TAF12: variants seen among roughly 807,000 people sequenced by gnomAD.
The protein encoded by TAF12 is TATA-box binding protein associated factor 12.
A neutral mutation model predicts 20.8 loss-of-function variants in TAF12; 3 were observed. The observed-to-expected ratio is 0.14, with a 90% confidence interval of 0.07 to 0.37. The LOEUF (loss-of-function observed/expected upper bound fraction) is 0.37. TAF12 is among the 10% of genes least tolerant of loss of function. The probability of loss-of-function intolerance (pLI) is 1.00; values close to 1 mark genes in which losing one functional copy is unlikely to be tolerated. For missense variants in TAF12, 131 were observed against 197.9 expected (o/e 0.66, Z 2.03); for synonymous variants, 69 against 70.2 (o/e 0.98, Z 0.09).
intron 1 of TAF12, among the ~76,000 whole-genome samples, chr1:28,633,323 T>A (rs560381149): frequency 9.0e-4 from 135 of 150,520 alleles, no homozygotes; most frequent in Middle Eastern, 3.4e-3. Context: ...CGTGCCACCA[T>A]GCTGGGCTAA....
intron 4 of TAF12, among the ~76,000 whole-genome samples, chr1:28,612,653 C>G (rs1205147559): frequency 6.6e-6 from 1 of 151,212 alleles, no homozygotes; most frequent in African/African-American, 2.4e-5. Context: ...GCTGCTTATT[C>G]ATTTCCAAGT....
chr1:28,636,787 C>G (rs778756989), intron 1 of TAF12, among the ~76,000 whole-genome samples: 1 of 151,348 alleles, frequency 6.6e-6, no homozygotes, highest in Non-Finnish European at 1.5e-5. Context: ...GGTGACAAAG[C>G]AAGACCCTGT....
chr1:28,618,169 CT>C (rs1667101713), intron 2 of TAF12, 139 bp from the exon 3 acceptor site: 1 of 709,938 alleles, frequency 1.4e-6, no homozygotes, highest in African/African-American at 1.8e-5. Context: ...GCCTACCTGA[CT>C]ATGCTGCTGT....
At chr1:28,616,520 G>A (rs901622025) in intron 3 of TAF12, among the ~76,000 whole-genome samples, 3 of 151,846 alleles carry the variant, frequency 2.0e-5, no homozygotes, top group Non-Finnish European at 4.4e-5. Context: ...ATCACCTGAG[G>A]TCAGGAGTCC....
intron 3 of TAF12, among the ~76,000 whole-genome samples, chr1:28,614,755 C>T (rs1666975284): frequency 6.6e-6 from 1 of 151,676 alleles, no homozygotes. Context: ...GTTCTTTCCA[C>T]ATCACTATCA....
chr1:28,629,011 C>T (rs968350297), intron 1 of TAF12, among the ~76,000 whole-genome samples: 22 of 152,190 alleles, frequency 1.4e-4, no homozygotes, highest in Non-Finnish European at 2.9e-5. Context: ...GCAGAGGTTG[C>T]AATGAGCCAA....
chr1:28,645,848 TC>T (rs1399237957), upstream of TAF12, among the ~76,000 whole-genome samples: 1 of 149,296 alleles, frequency 6.7e-6, no homozygotes, highest in Non-Finnish European at 1.5e-5. Context: ...GTGCCTGTAG[TC>T]CCAAGCTACT....
chr1:28,639,749 A>G (rs1246894804), intron 1 of TAF12, among the ~76,000 whole-genome samples: 1 of 152,222 alleles, frequency 6.6e-6, no homozygotes, highest in Admixed American at 6.5e-5. Context: ...TGGGGAAAAA[A>G]TAGTAGTTTT....
intron 4 of TAF12, among the ~76,000 whole-genome samples, chr1:28,611,627 A>G (rs1259328427): frequency 6.6e-6 from 1 of 152,168 alleles, no homozygotes; most frequent in African/African-American, 2.4e-5. Context: ...GCCACAGAAC[A>G]CCAAGGATTG....
chr1:28,645,243 G>A (rs1336209281), upstream of TAF12, among the ~76,000 whole-genome samples: 1 of 150,876 alleles, frequency 6.6e-6, no homozygotes, highest in African/African-American at 2.4e-5. Context: ...CACCATGTTA[G>A]CCAGGATGGT....
intron 2 of TAF12, 96 bp downstream of exon 2, chr1:28,621,818 A>G (rs1667229519): frequency 6.6e-7 from 1 of 1,510,070 alleles, no homozygotes; most frequent in East Asian, 2.5e-5. Context: ...GCTAAGAGAA[A>G]AAAGCAGCAT....
At chr1:28,641,288 G>C (rs1668023923) in intron 1 of TAF12, among the ~76,000 whole-genome samples, 1 of 151,830 alleles carries the variant, frequency 6.6e-6, no homozygotes, top group African/African-American at 2.4e-5. Flanking sequence ...TCGAAACACA[G>C]CCTGGCCAAC....
At chr1:28,646,286 G>A (rs1016965071), upstream of TAF12, 1 of 152,030 alleles carries the variant, frequency 6.6e-6, no homozygotes, top group Admixed American at 6.6e-5. Context: ...CAGGAAAAAA[G>A]ACAGAGAGAG....
intron 1 of TAF12, among the ~76,000 whole-genome samples, chr1:28,641,819 C>T (rs916064132): frequency 2.7e-5 from 4 of 147,094 alleles, no homozygotes; most frequent in African/African-American, 7.5e-5. Context: ...AAAAAAATTC[C>T]CTCCTGAGTT....
intron 1 of TAF12, among the ~76,000 whole-genome samples, chr1:28,631,767 C>T (rs1667638262): frequency 6.6e-6 from 1 of 151,952 alleles, no homozygotes; most frequent in Non-Finnish European, 1.5e-5. Flanking sequence ...TCATTTGTCA[C>T]CAGGAAAATG....
intron 1 of TAF12, among the ~76,000 whole-genome samples, chr1:28,637,775 T>C (rs79176980): frequency 0.2 from 30,841 of 152,122 alleles, 3,851 homozygotes; most frequent in Middle Eastern, 0.32. Flanking sequence ...AACACACCTG[T>C]TTCACAGTGC....
At chr1:28,648,190 C>G in intron 1 of TAF12, 5 of 985,338 alleles carry the variant, frequency 5.1e-6, no homozygotes, top group Non-Finnish European at 6.0e-6. Flanking sequence ...TTGTCTTCCC[C>G]AGTCAGATAC....
At chr1:28,630,287 G>A (rs1197239078) in intron 1 of TAF12, among the ~76,000 whole-genome samples, 1 of 152,174 alleles carries the variant, frequency 6.6e-6, no homozygotes, top group Non-Finnish European at 1.5e-5. Context: ...GCCAGGTACA[G>A]TGGCTCACGC....
At chr1:28,641,537 T>C (rs1183187389) in intron 1 of TAF12, among the ~76,000 whole-genome samples, 2 of 152,122 alleles carry the variant, frequency 1.3e-5, no homozygotes, top group Non-Finnish European at 2.9e-5. Context: ...CTCATGCCTG[T>C]AATCCCAGCA....
Sources: gnomAD v4.1 joint callset for allele counts (sites outside exome capture counted in the v4.1 genomes callset) on GRCh38, gnomAD v4.1.1 for gene constraint, MANE v1.5 for transcripts, NCBI Gene and HGNC (gene_info 2026-07-23, HGNC 2026-07-21) for gene names.